SEMA3C: variants seen among roughly 807,000 people sequenced by gnomAD.
The protein encoded by SEMA3C is semaphorin-3C.
In SEMA3C, 47 loss-of-function variants were observed where a neutral mutation model predicts 89.4. The ratio of observed to expected loss-of-function variants is 0.53; its 90% CI spans 0.42 to 0.67. The LOEUF is 0.67. Among genes scored for constraint, SEMA3C ranks in the 30% least tolerant of loss-of-function variants. The pLI is 0.00. For synonymous variants in SEMA3C, 310 were observed against 320.2 expected, an observed-to-expected ratio of 0.97 and a Z score of 0.34; for missense variants, 839 against 929.1, an observed-to-expected ratio of 0.90 and a Z score of 1.26.
intron 12 of SEMA3C, among the ~76,000 whole-genome samples, chr7:80,782,249 TCA>T (rs765524115): frequency 1.3e-5 from 2 of 152,190 alleles, no homozygotes; most frequent in Admixed American, 6.5e-5. Context: ...ATAAGTTAAT[TCA>T]CACACAAAAA....
intron 13 of SEMA3C, among the ~76,000 whole-genome samples, chr7:80,763,562 T>G (rs1788232754): frequency 6.6e-6 from 1 of 152,232 alleles, no homozygotes; most frequent in Admixed American, 6.5e-5. Context: ...ATAACTCATA[T>G]GACAGACCAT....
chr7:80,897,617 T>C (rs1791770866), intron 2 of SEMA3C, among the ~76,000 whole-genome samples: 1 of 152,040 alleles, frequency 6.6e-6, no homozygotes, highest in African/African-American at 2.4e-5. Context: ...TTAGAAAAAC[T>C]GAAGAGAAGA....
At chr7:80,800,539 ATGC>A (rs1371621262) in intron 10 of SEMA3C, among the ~76,000 whole-genome samples, 1 of 152,214 alleles carries the variant, frequency 6.6e-6, no homozygotes, top group East Asian at 1.9e-4. Flanking sequence ...TAAAAATATC[ATGC>A]AATCATTACA....
At chr7:80,768,378 C>G (rs949774048) in intron 12 of SEMA3C, among the ~76,000 whole-genome samples, 13 of 152,134 alleles carry the variant, frequency 8.5e-5, no homozygotes, top group African/African-American at 2.9e-4. Flanking sequence ...GCCAGGCGTG[C>G]TGGCAGGCGC....
chr7:80,763,783 C>T (rs757757806), intron 13 of SEMA3C, among the ~76,000 whole-genome samples: 49 of 151,222 alleles, frequency 3.2e-4, no homozygotes, highest in Non-Finnish European at 2.8e-4. Flanking sequence ...CCAAGTTCTC[C>T]CTACTGAGTT....
At chr7:80,905,927 G>T (rs1255473552) in intron 2 of SEMA3C, 1 of 1,273,390 alleles carries the variant, frequency 7.9e-7, no homozygotes, top group African/African-American at 1.5e-5. Context: ...CTGGAAAAGA[G>T]TCATGGAATT....
intron 4 of SEMA3C, among the ~76,000 whole-genome samples, chr7:80,825,093 T>A (rs1789840287): frequency 6.6e-6 from 1 of 152,182 alleles, no homozygotes; most frequent in Non-Finnish European, 1.5e-5. Flanking sequence ...AGTTCTTAAG[T>A]ATGTCGTTTC....
At chr7:80,830,020 A>G (rs923897387) in intron 2 of SEMA3C, among the ~76,000 whole-genome samples, 6 of 152,190 alleles carry the variant, frequency 3.9e-5, no homozygotes, top group Non-Finnish European at 8.8e-5. Context: ...ACAAATTCTT[A>G]TAGGAAGTCA....
intron 2 of SEMA3C, among the ~76,000 whole-genome samples, chr7:80,868,410 G>A (rs1233399861): frequency 6.6e-6 from 1 of 152,032 alleles, no homozygotes; most frequent in East Asian, 1.9e-4. Context: ...TGGGACTGTA[G>A]ACATGAGCCA....
At chr7:80,829,141 C>A (rs2115819351) in intron 2 of SEMA3C, among the ~76,000 whole-genome samples, 1 of 152,010 alleles carries the variant, frequency 6.6e-6, no homozygotes, top group East Asian at 1.9e-4. Context: ...CACGCCAGCT[C>A]TGGCAACAGA....
Position 80,745,088 on chromosome 7 carries a change from A to G in SEMA3C, c.2062T>C (p.Phe688Leu). The change falls in exon 18 of 18, where the codon TTC (phenylalanine) becomes CTC (leucine). Residue 688 changes from phenylalanine to leucine, a missense_variant. Phe to Leu is a conservative substitution (Grantham distance 22). Transcript: ENST00000265361. ...TWASSVRALP[F>L]HPKDIMGAFS... ...GCCCCCATGATGTCCTTCGGGTGGA[A>G]GGGTAAAGCCCTCACAGAGCTGGCC... is the stretch of plus-strand genomic sequence containing the variant. 1.2e-6 allele frequency: 2 copies of G among 1,614,022 alleles called. 1 individual carries two copies. The highest frequency in any genetic ancestry group is 2.2e-5 in the South Asian group (2 of 91,088).
At position 80,874,610 on chromosome 7, in the gene SEMA3C, G is replaced by A. The variant is rs1791155106; in HGVS notation, c.103+42069C>T. Among the ~76,000 whole-genome samples, 4 of 151,912 alleles carry A rather than the reference G, an allele frequency of 2.6e-5. No homozygotes were observed. The South Asian group carries it at 8.3e-4, about 32-fold the overall frequency. On this transcript the variant is annotated intron_variant, in intron 2 of 17. Coordinates refer to ENST00000265361, the MANE Select transcript of SEMA3C (RefSeq NM_006379.5). ...GCCTCCCAAGTACCTGGAATTACAG[G>A]TGTCCACCACCACACCTGGTTAATT...
chr7:80,785,332 CT>C (rs1788777465), intron 12 of SEMA3C, among the ~76,000 whole-genome samples: 1 of 152,154 alleles, frequency 6.6e-6, no homozygotes, highest in Admixed American at 6.5e-5. Context: ...ATGGCATCTT[CT>C]TTGACAAATA....
chr7:80,748,267 T>G (rs1408489204), intron 17 of SEMA3C, among the ~76,000 whole-genome samples: 1 of 152,118 alleles, frequency 6.6e-6, no homozygotes, highest in Non-Finnish European at 1.5e-5. Flanking sequence ...TTTTACAATG[T>G]CTCCCTTATT....
At chr7:80,919,559 G>GTTTTTTT (rs3834744), upstream of SEMA3C, among the ~76,000 whole-genome samples, 1 of 145,694 alleles carries the variant, frequency 6.9e-6, no homozygotes. Flanking sequence ...ATTCTGCTGC[G>GTTTTTTT]TTTTTTTTTT....
intron 2 of SEMA3C, among the ~76,000 whole-genome samples, chr7:80,832,009 T>C (rs1790018756): frequency 6.6e-6 from 1 of 152,198 alleles, no homozygotes; most frequent in Non-Finnish European, 1.5e-5. Context: ...AATTTAATTT[T>C]GTCATTAGAA....
chr7:80,906,251 T>C (rs916238598), intron 2 of SEMA3C, among the ~76,000 whole-genome samples: 1 of 152,202 alleles, frequency 6.6e-6, no homozygotes, highest in Non-Finnish European at 1.5e-5. Flanking sequence ...AAATCTAATA[T>C]TCTTTTTACC....
At chr7:80,819,231 C>T (rs1362140077) in intron 4 of SEMA3C, among the ~76,000 whole-genome samples, 2 of 127,236 alleles carry the variant, frequency 1.6e-5, no homozygotes. Context: ...AATATTAAAA[C>T]AACATGGCTT....
intron 2 of SEMA3C, among the ~76,000 whole-genome samples, chr7:80,836,560 C>T (rs1790132931): frequency 6.6e-6 from 1 of 151,972 alleles, no homozygotes; most frequent in Non-Finnish European, 1.5e-5. Flanking sequence ...CATCTGTAAT[C>T]CCAGCTACTC....
Sources: gnomAD v4.1 joint callset for allele counts (sites outside exome capture counted in the v4.1 genomes callset) on GRCh38, gnomAD v4.1.1 for gene constraint, MANE v1.5 for transcripts, NCBI Gene and HGNC (gene_info 2026-07-23, HGNC 2026-07-21) for gene names.